Variants in TRIM71 observed in about 807,000 individuals in gnomAD.
TRIM71 encodes the protein tripartite motif containing 71.
A neutral mutation model predicts 61.2 loss-of-function variants in TRIM71; 9 were observed. The ratio of observed to expected loss-of-function variants is 0.15; its 90% CI spans 0.09 to 0.26. The LOEUF (loss-of-function observed/expected upper bound fraction) is 0.26. Among genes scored for constraint, TRIM71 ranks in the 10% least tolerant of loss-of-function variants. TRIM71 has a pLI of 1.00. For missense variants in TRIM71, 998 were observed against 1,238.7 expected, an observed-to-expected ratio of 0.81 and a Z score of 2.92; for synonymous variants, 645 against 553.2, an observed-to-expected ratio of 1.17 and a Z score of -2.33.
chr3:32,839,968 G>A (rs1320238424), intron 1 of TRIM71, among the ~76,000 whole-genome samples: 3 of 152,274 alleles, frequency 2.0e-5, no homozygotes, highest in East Asian at 1.9e-4. Context: ...CAAAGCAAAT[G>A]TTCAACTAAT....
chr3:32,870,107 C>T (rs1433648384), intron 1 of TRIM71, among the ~76,000 whole-genome samples: 2 of 152,166 alleles, frequency 1.3e-5, no homozygotes, highest in Non-Finnish European at 2.9e-5. Flanking sequence ...ACATCCTTAC[C>T]TATCGATTGT....
At chr3:32,843,942 C>T (rs982723520) in intron 1 of TRIM71, among the ~76,000 whole-genome samples, 1 of 147,464 alleles carries the variant, frequency 6.8e-6, no homozygotes, top group Non-Finnish European at 1.5e-5. Context: ...GCAAATAACT[C>T]CAGATAAACG....
intron 1 of TRIM71, among the ~76,000 whole-genome samples, chr3:32,844,814 C>T (rs893741069): frequency 6.6e-6 from 1 of 152,170 alleles, no homozygotes; most frequent in Admixed American, 6.5e-5. Flanking sequence ...CCATCCCCCT[C>T]CTCTGAGCCA....
At chr3:32,880,038 T>C (rs962732332) in intron 2 of TRIM71, among the ~76,000 whole-genome samples, 43 of 152,180 alleles carry the variant, frequency 2.8e-4, no homozygotes, top group African/African-American at 1.0e-3. Flanking sequence ...GGCTATAGTT[T>C]GTGATTATAT....
At chr3:32,850,049 A>T (rs1696521021) in intron 1 of TRIM71, among the ~76,000 whole-genome samples, 1 of 152,220 alleles carries the variant, frequency 6.6e-6, no homozygotes, top group Non-Finnish European at 1.5e-5. Flanking sequence ...AACCCCACGC[A>T]TCTGGATGGT....
rs889984328 is a variant in TRIM71, at chr3:32,865,791, G to C, written c.853-8027G>C. ...TGGACCTTTTAATTTGCCGCCCGCCGGCCCCCCCCCCCCCCCGCCCCACCT... is the reference window on the plus strand; with the variant it reads ...TGGACCTTTTAATTTGCCGCCCGCCCGCCCCCCCCCCCCCCCGCCCCACCT... On this transcript the variant is annotated intron_variant, in intron 1 of 3. Coordinates refer to ENST00000383763, the MANE Select transcript of TRIM71 (RefSeq NM_001039111.3). 2.5e-3 allele frequency among the ~76,000 whole-genome samples: 127 copies of C among 50,312 alleles called. 3 individuals carry two copies. Among genetic ancestry groups the C allele is most frequent in the Non-Finnish European group, 3.6e-3 (94 of 26,388 alleles). The allele number at this position is 50,312 out of a possible 152,430, so 33.0% of individuals were successfully genotyped here. A position where few individuals can be genotyped will look rare whatever the true frequency, so the allele number is the denominator to read the frequency against.
At chr3:32,884,834 T>A (rs1696943832) in intron 2 of TRIM71, among the ~76,000 whole-genome samples, 1 of 152,190 alleles carries the variant, frequency 6.6e-6, no homozygotes, top group Non-Finnish European at 1.5e-5. Context: ...TGAGAACTAT[T>A]AATAACAGTG....
Position 32,818,387 on chromosome 3 carries a change from G to T in TRIM71, c.307G>T (p.Ala103Ser). The T allele has an allele frequency of 6.8e-7, 1 of 1,479,444 alleles. No homozygotes were observed. The highest frequency in any genetic ancestry group is 8.9e-7 in the Non-Finnish European group (1 of 1,119,810). 91.6% of individuals were successfully genotyped at this position (1,479,444 alleles called of 1,614,324 possible). ...VCDQKVVLAEAAGMDALPSSA... is the reference protein window; with the variant it reads ...VCDQKVVLAESAGMDALPSSA... ...CGACCAGAAAGTAGTGCTAGCCGAG[G>T]CGGCGGGTATGGACGCGCTGCCTTC... The change falls in exon 1 of 4, where the codon GCG (alanine) becomes TCG (serine). Residue 103 changes from alanine to serine, a missense_variant. This residue lies in a region of TRIM71 where 527 missense variants were observed against 427.8 expected (regional missense o/e 1.23). Transcript: ENST00000383763.
chr3:32,885,176 C>G (rs1171986508), intron 2 of TRIM71, among the ~76,000 whole-genome samples: 1 of 152,174 alleles, frequency 6.6e-6, no homozygotes, highest in Non-Finnish European at 1.5e-5. Flanking sequence ...ATCACCTACC[C>G]GAAACCTGTT....
At chr3:32,839,749 C>G (rs1278379402) in intron 1 of TRIM71, among the ~76,000 whole-genome samples, 3 of 152,032 alleles carry the variant, frequency 2.0e-5, no homozygotes, top group East Asian at 3.9e-4. Context: ...CTAATTCTTC[C>G]CTCATACGTG....
chr3:32,881,053 C>G (rs558698830), intron 2 of TRIM71, among the ~76,000 whole-genome samples: 1 of 152,032 alleles, frequency 6.6e-6, no homozygotes, highest in Admixed American at 6.6e-5. Context: ...GAGTCTCACT[C>G]TGTTGCCCAG....
chr3:32,887,956 C>T (rs1696979179), intron 3 of TRIM71, among the ~76,000 whole-genome samples: 1 of 152,170 alleles, frequency 6.6e-6, no homozygotes, highest in Non-Finnish European at 1.5e-5. Context: ...GCTTTCAGAT[C>T]TGTAGAACAA....
rs1298443612 is a variant in TRIM71, at chr3:32,890,955, G to A, written c.1751G>A (p.Arg584His). ...SPFKVVVKSG[R>H]SYVGIGLPGL... ...TTCAAGGTGGTGGTCAAGTCAGGCC[G>A]CAGCTACGTGGGCATTGGGCTCCCG... Residue 584 changes from arginine (R) to histidine (H), a missense_variant, in exon 4 of 4, where the codon CGC becomes CAC. By Grantham distance (29) the Arg-to-His change is conservative. This residue lies in a region of TRIM71 where 291 missense variants were observed against 431.2 expected (regional missense o/e 0.67). Transcript: ENST00000383763. The surrounding 1 kb of genome is among the most constrained non-coding windows in gnomAD (Gnocchi z 6.2). 1.2e-6 allele frequency: 2 copies of A among 1,614,068 alleles called. No homozygotes were observed. Among genetic ancestry groups the A allele is most frequent in the Non-Finnish European group, 1.7e-6 (2 of 1,180,046 alleles).
intron 1 of TRIM71, among the ~76,000 whole-genome samples, chr3:32,819,183 TA>T (rs1275985464): frequency 2.0e-5 from 3 of 152,230 alleles, no homozygotes; most frequent in African/African-American, 7.2e-5. Context: ...TTTCTGATTT[TA>T]ATTTCTGTGT....
chr3:32,842,017 C>G (rs1479121710), intron 1 of TRIM71, among the ~76,000 whole-genome samples: 1 of 152,154 alleles, frequency 6.6e-6, no homozygotes, highest in Non-Finnish European at 1.5e-5. Flanking sequence ...GCACCTGTCT[C>G]TACCTGCTTT....
chr3:32,829,853 G>A (rs1696249379), intron 1 of TRIM71, among the ~76,000 whole-genome samples: 1 of 149,420 alleles, frequency 6.7e-6, no homozygotes, highest in South Asian at 2.1e-4. Flanking sequence ...AGTAACATGT[G>A]TTATTGACAA....
At chr3:32,838,142 C>T (rs1364715341) in intron 1 of TRIM71, among the ~76,000 whole-genome samples, 3 of 152,126 alleles carry the variant, frequency 2.0e-5, no homozygotes, top group African/African-American at 7.2e-5. Context: ...GGTAGAATTA[C>T]CGGGGATTTG....
At chr3:32,819,470 G>A (rs1696103724) in intron 1 of TRIM71, among the ~76,000 whole-genome samples, 1 of 152,094 alleles carries the variant, frequency 6.6e-6, no homozygotes, top group Non-Finnish European at 1.5e-5. Context: ...ACTTGTGAGG[G>A]GAAGACTGGT....
intron 1 of TRIM71, among the ~76,000 whole-genome samples, chr3:32,831,762 C>A (rs565784595): frequency 3.9e-5 from 6 of 152,086 alleles, no homozygotes; most frequent in African/African-American, 1.2e-4. Context: ...GTCTTGAACT[C>A]CTGACCTCAA....
Sources: allele counts gnomAD v4.1 joint callset (sites outside exome capture counted in the v4.1 genomes callset), GRCh38; gene constraint gnomAD v4.1.1; regional missense constraint gnomAD v4.1.1; non-coding constraint Gnocchi (gnomAD v3.1); transcripts MANE v1.5; gene names NCBI Gene and HGNC (gene_info 2026-07-23, HGNC 2026-07-21).